ZHX3: variants seen among roughly 807,000 people sequenced by gnomAD.
ZHX3 encodes zinc fingers and homeoboxes protein 3.
A neutral mutation model predicts 64.5 loss-of-function variants in ZHX3; 20 were observed. The ratio of observed to expected loss-of-function variants is 0.31; its 90% CI spans 0.22 to 0.45. The LOEUF is 0.45. ZHX3 is among the 20% of genes least tolerant of loss of function. The pLI, the probability that ZHX3 is intolerant of heterozygous loss-of-function variation, is 1.00. For synonymous variants in ZHX3, 423 were observed against 461.6 expected, an observed-to-expected ratio of 0.92 and a Z score of 1.07; for missense variants, 1,041 against 1,195.8, an observed-to-expected ratio of 0.87 and a Z score of 1.91.
At chr20:41,205,614 G>A (rs1277087154) in intron 2 of ZHX3, among the ~76,000 whole-genome samples, 1 of 152,178 alleles carries the variant, frequency 6.6e-6, no homozygotes, top group African/African-American at 2.4e-5. Context: ...TAAGAGCCAG[G>A]CCTCTGTAGC....
At chr20:41,233,710 G>C (rs2040776172) in intron 2 of ZHX3, among the ~76,000 whole-genome samples, 1 of 152,226 alleles carries the variant, frequency 6.6e-6, no homozygotes, top group Admixed American at 6.5e-5. Flanking sequence ...GCAATGGAGA[G>C]ACCGGACAAG....
intron 1 of ZHX3, among the ~76,000 whole-genome samples, chr20:41,311,526 C>T (rs2045137403): frequency 6.6e-6 from 1 of 152,166 alleles, no homozygotes; most frequent in Non-Finnish European, 1.5e-5. Flanking sequence ...ATTTTTAATG[C>T]TCTCATACAT....
chr20:41,188,184 C>T (rs946431502), intron 3 of ZHX3, among the ~76,000 whole-genome samples: 15 of 152,076 alleles, frequency 9.9e-5, no homozygotes, highest in Non-Finnish European at 2.2e-4. Context: ...TCTTTCTGTG[C>T]CTGGGATATT....
intron 2 of ZHX3, among the ~76,000 whole-genome samples, chr20:41,262,914 G>C (rs2042633564): frequency 6.6e-6 from 1 of 152,136 alleles, no homozygotes; most frequent in Admixed American, 6.5e-5. Context: ...GGAAGAAAAG[G>C]CAAGTTCTTG....
At chr20:41,299,291 C>T (rs1179984219) in intron 1 of ZHX3, among the ~76,000 whole-genome samples, 4 of 152,092 alleles carry the variant, frequency 2.6e-5, no homozygotes, top group Non-Finnish European at 5.9e-5. Context: ...CAGCCCAACA[C>T]TATATCAAAA....
chr20:41,225,708 G>A (rs779907931), intron 2 of ZHX3, among the ~76,000 whole-genome samples: 1 of 152,202 alleles, frequency 6.6e-6, no homozygotes, highest in East Asian at 1.9e-4. Flanking sequence ...GGCTGGTCTC[G>A]AACTCCTGAC....
Position 41,184,266 on chromosome 20 carries a change from T to C in ZHX3, c.*925A>G, listed in dbSNP as rs939995955. ...TGGTCAAAGCTTCAGGCTGTGGCTA[T>C]AGATTTCCACTTACGTCCCTACCCC... is the stretch of plus-strand genomic sequence containing the variant. On this transcript the variant is annotated 3_prime_UTR_variant, in exon 4 of 4. Transcript: ENST00000683867. 10 of 152,356 alleles carry C rather than the reference T, an allele frequency of 6.6e-5. No individual in the cohort carries two copies. Among genetic ancestry groups the C allele is most frequent in the African/African-American group, 2.2e-4 (9 of 41,464 alleles). 9.4% of individuals were successfully genotyped at this position (152,356 alleles called of 1,614,324 possible).
intron 2 of ZHX3, chr20:41,254,702 T>C (rs1045572705): frequency 1.3e-5 from 2 of 152,202 alleles, no homozygotes; most frequent in African/African-American, 4.8e-5. Flanking sequence ...ATTGCTTATA[T>C]TATTTTGCTA....
intron 2 of ZHX3, among the ~76,000 whole-genome samples, chr20:41,242,258 T>G (rs750657672): frequency 6.6e-6 from 1 of 152,222 alleles, no homozygotes; most frequent in Non-Finnish European, 1.5e-5. Flanking sequence ...ATTTTCCAAA[T>G]TGGGAAACCA....
In ZHX3 at chr20:41,203,659, C is replaced by T. The variant is rs2038448723; in HGVS notation, c.1258G>A (p.Gly420Ser). The change falls in exon 3 of 4, where the codon GGT becomes AGT. Residue 420 changes from glycine to serine, a missense_variant. Gly to Ser is a moderately conservative substitution (Grantham distance 56, BLOSUM62 0). This residue lies in a region of ZHX3 where 649 missense variants were observed against 739.8 expected (regional missense o/e 0.88). Coordinates refer to ENST00000683867, the MANE Select transcript of ZHX3 (RefSeq NM_001384317.1). The surrounding 1 kb of genome is among the most constrained non-coding windows in gnomAD (Gnocchi z 7.1). ...LPGHVVGQPE[G>S]TGGGLLVTQP... ...GTGACCAGAAGTCCCCCTCCTGTAC[C>T]CTCTGGCTGCCCCACAACGTGACCT... 6.2e-7 allele frequency: 1 copy of T among 1,614,206 alleles called. No homozygotes were observed. The highest frequency in any genetic ancestry group is 8.5e-7 in the Non-Finnish European group (1 of 1,180,036).
intron 2 of ZHX3, among the ~76,000 whole-genome samples, chr20:41,252,075 T>G (rs1201967631): frequency 1.3e-5 from 2 of 152,106 alleles, no homozygotes; most frequent in East Asian, 1.9e-4. Context: ...GAGGAGGAAA[T>G]AGTCTTTATC....
Position 41,204,690 on chromosome 20 carries a change from A to G in ZHX3, c.227T>C (p.Leu76Ser). The G allele has an allele frequency of 6.2e-7, 1 of 1,614,268 alleles. No individual in the cohort carries two copies. Among genetic ancestry groups the G allele is most frequent in the South Asian group, 1.1e-5 (1 of 91,090 alleles). ...GAAATCGCAGTATTTACAGGAATAT[A>G]AATAGCCATCTAAAGTGCTCCGATG... ...NGHRSTLDGY[L>S]YSCKYCDFRS... The change falls in exon 3 of 4, where the codon TTA (leucine) becomes TCA (serine). Residue 76 changes from leucine to serine, a missense_variant. Around this residue, in one of 4 missense-constraint regions of ZHX3, gnomAD observed 358 missense variants for 369.1 expected, o/e 0.97. Coordinates refer to ENST00000683867, the MANE Select transcript of ZHX3 (RefSeq NM_001384317.1). The surrounding 1 kb of genome is among the most constrained non-coding windows in gnomAD (Gnocchi z 6.6).
rs903950136 is a variant in ZHX3, at chr20:41,232,897, A to T, written c.-150-27831T>A. On this transcript the variant is annotated intron_variant, in intron 2 of 3. Coordinates refer to ENST00000683867, the MANE Select transcript of ZHX3 (RefSeq NM_001384317.1). This position sits in a 1 kb window ranked among gnomAD's most constrained non-coding sequence, Gnocchi z 5.0. The stretch of plus-strand genomic sequence containing the variant: ...ACCACGCCCGGCTGGAAAATTCTTG[A>T]TATGTATCAGTATTTTTCAAAATGT... Among the ~76,000 whole-genome samples, 1 of 152,196 alleles carries T rather than the reference A, an allele frequency of 6.6e-6. No individual in the cohort carries two copies. Among genetic ancestry groups the T allele is most frequent in the Non-Finnish European group, 1.5e-5 (1 of 68,036 alleles).
At chr20:41,292,592 C>G (rs2044304755) in intron 1 of ZHX3, among the ~76,000 whole-genome samples, 1 of 152,186 alleles carries the variant, frequency 6.6e-6, no homozygotes, top group Admixed American at 6.5e-5. Context: ...ACTTGCTCAT[C>G]TACGATTCAA....
chr20:41,205,488 A>T (rs916077812), intron 2 of ZHX3, among the ~76,000 whole-genome samples: 2 of 147,998 alleles, frequency 1.4e-5, no homozygotes, highest in African/African-American at 5.0e-5. Flanking sequence ...CTTCCCGCAT[A>T]TGAGAACAAG....
rs2037387612 is a variant in ZHX3 at position 41,195,226 on chromosome 20, C to A, written c.2860+6831G>T. On this transcript the variant is annotated intron_variant, in intron 3 of 3. Coordinates refer to ENST00000683867, the MANE Select transcript of ZHX3 (RefSeq NM_001384317.1). This position sits in a 1 kb window ranked among gnomAD's most constrained non-coding sequence, Gnocchi z 4.2. ...CTCAAACTCCTGGTAAACAATCCTC[C>A]CACCCCAGACACCTGAGTAGCTGGC... Among the ~76,000 whole-genome samples the A allele has an allele frequency of 6.6e-6, 1 of 152,070 alleles. No individual in the cohort carries two copies.
chr20:41,306,903 G>A (rs1045061300), intron 1 of ZHX3, among the ~76,000 whole-genome samples: 1 of 152,178 alleles, frequency 6.6e-6, no homozygotes, highest in African/African-American at 2.4e-5. Context: ...CCTTAACATG[G>A]GAAAGGAAAA....
chr20:41,187,005 T>C (rs1419963422), intron 3 of ZHX3, among the ~76,000 whole-genome samples: 3 of 152,176 alleles, frequency 2.0e-5, no homozygotes, highest in African/African-American at 7.2e-5. Context: ...TTTTGTTGCC[T>C]ATGCTTTGAG....
At chr20:41,215,814 T>C (rs1331324210) in intron 2 of ZHX3, among the ~76,000 whole-genome samples, 1 of 148,180 alleles carries the variant, frequency 6.7e-6, no homozygotes, top group Non-Finnish European at 1.5e-5. Flanking sequence ...TAGCTGGGCA[T>C]TATGGCGGGC....
Sources: gnomAD v4.1 joint callset for allele counts (sites outside exome capture counted in the v4.1 genomes callset) on GRCh38, gnomAD v4.1.1 for gene constraint, gnomAD v4.1.1 regional missense constraint, Gnocchi (gnomAD v3.1) non-coding constraint, MANE v1.5 for transcripts, NCBI Gene and HGNC (gene_info 2026-07-23, HGNC 2026-07-21) for gene names.